JARID2: variants seen among roughly 807,000 people sequenced by gnomAD.
JARID2 encodes protein Jumonji.
Under a neutral mutation model 125.6 loss-of-function variants are expected in JARID2, and 21 were observed. The observed-to-expected ratio is 0.17, with a 90% CI of 0.12 to 0.24. JARID2 has a LOEUF of 0.24. JARID2 is among the 10% of genes least tolerant of loss of function. The pLI is 1.00. For synonymous variants in JARID2, 736 were observed against 661.6 expected, an observed-to-expected ratio of 1.11 and a Z score of -1.73; for missense variants, 1,303 against 1,639.6, an observed-to-expected ratio of 0.79 and a Z score of 3.55.
chr6:15,358,256 T>C (rs1763674751), intron 1 of JARID2, among the ~76,000 whole-genome samples: 1 of 152,254 alleles, frequency 6.6e-6, no homozygotes, highest in Non-Finnish European at 1.5e-5. Flanking sequence ...TCAACTTTAA[T>C]GTTAGTAGGA....
intron 2 of JARID2, among the ~76,000 whole-genome samples, chr6:15,407,819 C>T (rs1765713476): frequency 6.6e-6 from 1 of 152,140 alleles, no homozygotes; most frequent in Non-Finnish European, 1.5e-5. Context: ...GTCTGTCTCT[C>T]CTAATTTTAG....
At chr6:15,348,775 G>C (rs914815411) in intron 1 of JARID2, among the ~76,000 whole-genome samples, 2 of 152,324 alleles carry the variant, frequency 1.3e-5, no homozygotes, top group East Asian at 3.9e-4. Flanking sequence ...GCTGCAACAG[G>C]AGAACTAGCG....
chr6:15,281,758 A>G (rs980050785), intron 1 of JARID2, among the ~76,000 whole-genome samples: 2 of 152,194 alleles, frequency 1.3e-5, no homozygotes, highest in African/African-American at 4.8e-5. Context: ...CCTTCTGATG[A>G]CTTTCTTCCT....
intron 12 of JARID2, among the ~76,000 whole-genome samples, chr6:15,510,464 C>T (rs1057372492): frequency 2.6e-5 from 4 of 152,170 alleles, no homozygotes; most frequent in Non-Finnish European, 5.9e-5. Flanking sequence ...CTGTGATTGC[C>T]GTGAGGAGGC....
intron 6 of JARID2, among the ~76,000 whole-genome samples, chr6:15,492,398 A>G (rs749146044): frequency 6.6e-6 from 1 of 152,172 alleles, no homozygotes. Flanking sequence ...CCTTCCTTGT[A>G]GTGCACTGGC....
At chr6:15,342,598 A>G (rs1441349422) in intron 1 of JARID2, among the ~76,000 whole-genome samples, 1 of 152,246 alleles carries the variant, frequency 6.6e-6, no homozygotes, top group Non-Finnish European at 1.5e-5. Flanking sequence ...ACTCCTTATG[A>G]TAAAAAGGAG....
intron 1 of JARID2, among the ~76,000 whole-genome samples, chr6:15,300,297 T>C (rs1006399484): frequency 1.2e-4 from 19 of 152,190 alleles, no homozygotes; most frequent in African/African-American, 3.6e-4. Flanking sequence ...CCTGGTGTGA[T>C]GTATATTTTA....
At chr6:15,262,577 G>C (rs1000273799) in intron 1 of JARID2, among the ~76,000 whole-genome samples, 3 of 142,516 alleles carry the variant, frequency 2.1e-5, no homozygotes, top group African/African-American at 7.9e-5. Context: ...CTCTAGCCCA[G>C]GCTGGAGTGC....
intron 1 of JARID2, among the ~76,000 whole-genome samples, chr6:15,254,805 C>A (rs1025720819): frequency 6.6e-6 from 1 of 151,978 alleles, no homozygotes. Context: ...TTTCGAAGGC[C>A]GAGGTGAGCG....
chr6:15,366,187 T>C (rs1763965694), intron 1 of JARID2, among the ~76,000 whole-genome samples: 1 of 152,140 alleles, frequency 6.6e-6, no homozygotes, highest in Non-Finnish European at 1.5e-5. Context: ...AGTAGGGTGA[T>C]TTAACAGCAG....
At chr6:15,488,328 C>T (rs143244317) in intron 6 of JARID2, among the ~76,000 whole-genome samples, 1 of 152,366 alleles carries the variant, frequency 6.6e-6, no homozygotes, top group East Asian at 1.9e-4. Flanking sequence ...TGCAGGCACA[C>T]AGCTGAGGGC....
intron 1 of JARID2, among the ~76,000 whole-genome samples, chr6:15,299,094 C>G (rs555425854): frequency 4.7e-4 from 65 of 139,476 alleles, no homozygotes; most frequent in Non-Finnish European, 8.1e-4. Flanking sequence ...ACGAACACAT[C>G]TGAAGGAAAG....
intron 1 of JARID2, among the ~76,000 whole-genome samples, chr6:15,369,139 A>G (rs1276556168): frequency 6.6e-6 from 1 of 152,058 alleles, no homozygotes; most frequent in East Asian, 1.9e-4. Context: ...CTGGTATTTT[A>G]TGTGTGTATT....
intron 2 of JARID2, among the ~76,000 whole-genome samples, chr6:15,385,725 G>A (rs749938411): frequency 1.2e-4 from 18 of 151,946 alleles, no homozygotes; most frequent in African/African-American, 3.6e-4. Context: ...CGTCTCTGCC[G>A]CCCCCTTTCC....
chr6:15,335,134 C>T (rs931376874), intron 1 of JARID2, among the ~76,000 whole-genome samples: 2 of 151,862 alleles, frequency 1.3e-5, no homozygotes, highest in Non-Finnish European at 2.9e-5. Flanking sequence ...CAGTCTTGCT[C>T]CTTCACCCAG....
chr6:15,305,335 A>T (rs554542995), intron 1 of JARID2, among the ~76,000 whole-genome samples: 3 of 151,936 alleles, frequency 2.0e-5, no homozygotes, highest in African/African-American at 7.2e-5. Flanking sequence ...CTACCCCAGG[A>T]GAAAAGGGTG....
At chr6:15,399,627 C>T (rs1340731874) in intron 2 of JARID2, among the ~76,000 whole-genome samples, 4 of 152,176 alleles carry the variant, frequency 2.6e-5, no homozygotes, top group Non-Finnish European at 5.9e-5. Flanking sequence ...AGAATACCCG[C>T]TAGCCTGGGT....
At position 15,403,310 on chromosome 6, in the gene JARID2, C is replaced by T. The variant is rs976025201; in HGVS notation, c.182-6914C>T. On this transcript the variant is annotated intron_variant, in intron 2 of 17. Transcript: ENST00000341776. ...CTATTTTTATTTATTTTTGTTGGAG[C>T]CTTTCAGTGAGCAGTGTTTTCTGTC... Among the ~76,000 whole-genome samples, 3 of 152,104 alleles carry T rather than the reference C, an allele frequency of 2.0e-5. No homozygotes were observed. The South Asian group carries it at 6.3e-4, about 32-fold the overall frequency.
chr6:15,416,723 G>A (rs542076245), intron 3 of JARID2, among the ~76,000 whole-genome samples: 1 of 150,734 alleles, frequency 6.6e-6, no homozygotes, highest in Non-Finnish European at 1.5e-5. Flanking sequence ...GAGGGAGAGG[G>A]GGGAGAGGGA....
Sources: gnomAD v4.1 joint callset for allele counts (sites outside exome capture counted in the v4.1 genomes callset) on GRCh38, gnomAD v4.1.1 for gene constraint, MANE v1.5 for transcripts, NCBI Gene and HGNC (gene_info 2026-07-23, HGNC 2026-07-21) for gene names.